Variants in ETFDH observed in about 807,000 individuals in gnomAD.
ETFDH encodes the protein electron transfer flavoprotein dehydrogenase.
In ETFDH, 61 loss-of-function variants were observed where a neutral mutation model predicts 73.2. The ratio of observed to expected loss-of-function variants is 0.83; its 90% CI spans 0.68 to 1.03. The LOEUF (loss-of-function observed/expected upper bound fraction) is 1.03. Among genes scored for constraint, ETFDH ranks in the 50% least tolerant of loss-of-function variants. The pLI is 0.00. For synonymous variants in ETFDH, 243 were observed against 253.3 expected (o/e 0.96, Z 0.39); for missense variants, 685 against 745.0 (o/e 0.92, Z 0.94).
Position 158,708,384 on chromosome 4 carries a change from G to A in ETFDH, c.1711G>A (p.Val571Met). ...CPAGVYEFVP[V>M]EQGDGFRLQI... ...TTCAGGAGTTTATGAATTTGTACCT[G>A]TGGAACAAGGTGATGGATTTCGGTT... Residue 571 changes from valine to methionine, a missense_variant, in exon 13 of 13, where the codon GTG (valine) becomes ATG (methionine). By Grantham distance (21) the Val-to-Met change is conservative (BLOSUM62 1). Transcript: ENST00000511912. 3 of 1,610,888 alleles carry A rather than the reference G, an allele frequency of 1.9e-6. No individual in the cohort carries two copies. The highest frequency in any genetic ancestry group is 1.1e-5 in the South Asian group (1 of 91,012).
chr4:158,672,851 A>G (rs1016797689), intron 1 of ETFDH, among the ~76,000 whole-genome samples: 3 of 151,976 alleles, frequency 2.0e-5, no homozygotes, highest in East Asian at 3.9e-4. Context: ...AAAAAATCGT[A>G]TTTGCCCAGT....
chr4:158,681,357 C>A (rs1266724278), intron 2 of ETFDH, among the ~76,000 whole-genome samples: 1 of 151,936 alleles, frequency 6.6e-6, no homozygotes, highest in Non-Finnish European at 1.5e-5. Flanking sequence ...TACAGCTGTA[C>A]AATGTGTTTG....
At chr4:158,681,070 C>T (rs1244846920) in intron 2 of ETFDH, among the ~76,000 whole-genome samples, 2 of 152,076 alleles carry the variant, frequency 1.3e-5, no homozygotes, top group East Asian at 3.9e-4. Flanking sequence ...AAAAAGTTAA[C>T]TGTAAAACAG....
chr4:158,693,602 C>T (rs968219378), intron 6 of ETFDH, among the ~76,000 whole-genome samples: 10 of 152,096 alleles, frequency 6.6e-5, no homozygotes, highest in Admixed American at 2.6e-4. Context: ...AGTTGGACCC[C>T]GGTTTGCTGG....
intron 1 of ETFDH, among the ~76,000 whole-genome samples, chr4:158,678,777 A>T (rs1773773516): frequency 6.6e-6 from 1 of 151,804 alleles, no homozygotes; most frequent in Non-Finnish European, 1.5e-5. Context: ...CCTCCTGAGT[A>T]GGTGGGACTG....
At chr4:158,690,507 C>G in intron 6 of ETFDH, 82 bp downstream of exon 6, 3 of 892,060 alleles carry the variant, frequency 3.4e-6, no homozygotes, top group East Asian at 2.4e-5. Flanking sequence ...GAAACCCCAT[C>G]TCTCCAAAAA....
intron 3 of ETFDH, 71 bp downstream of exon 3, chr4:158,682,495 C>T: frequency 8.3e-7 from 1 of 1,202,814 alleles, no homozygotes; most frequent in Non-Finnish European, 1.2e-6. Flanking sequence ...TCCCAAATTA[C>T]TGGAATATAG....
chr4:158,706,856 A>G lies in ETFDH; in HGVS notation c.1690+6A>G, dbSNP rs755837471. Reference sequence around the variant, plus strand: ...GCAGCGATTCTGTCCTGCAGGTAATAATTTCCATCTATTCCTAAATATTTG... The same window carrying G: ...GCAGCGATTCTGTCCTGCAGGTAATGATTTCCATCTATTCCTAAATATTTG... On this transcript the variant is annotated splice_donor_region_variant and intron_variant, in intron 12 of 12. Transcript: ENST00000511912. 5.2e-6 allele frequency: 8 copies of G among 1,541,716 alleles called. No homozygotes were observed.
chr4:158,676,142 C>T (rs1185720664), intron 1 of ETFDH, among the ~76,000 whole-genome samples: 2 of 152,074 alleles, frequency 1.3e-5, no homozygotes, highest in Non-Finnish European at 2.9e-5. Context: ...TCAGTCTCCC[C>T]GAAAACTTGG....
In ETFDH at chr4:158,685,131, T is replaced by C. The variant is rs1446691470; in HGVS notation, c.518T>C (p.Ile173Thr). 2 of 1,610,736 alleles carry C rather than the reference T, an allele frequency of 1.2e-6. No homozygotes were observed. Among genetic ancestry groups the C allele is most frequent in the Non-Finnish European group, 1.7e-6 (2 of 1,177,234 alleles). The change falls in exon 5 of 13, where the codon ATT becomes ACT. Residue 173 changes from isoleucine to threonine, a missense_variant. By Grantham distance (89) the Ile-to-Thr change is moderately conservative. Transcript: ENST00000511912. ...GLPMNNHGNY[I>T]VRLGHLVSWM... ...CCAATGAATAATCATGGCAATTACA[T>C]TGTACGCTTGGGACATTTAGTGAGC...
intron 9 of ETFDH, among the ~76,000 whole-genome samples, chr4:158,702,155 GTT>G (rs10586342): frequency 4.8e-5 from 7 of 145,592 alleles, no homozygotes; most frequent in Admixed American, 1.4e-4. Context: ...CAAATCACAG[GTT>G]TTTTTTTTTT....
chr4:158,673,159 C>A (rs1773622502), intron 1 of ETFDH, among the ~76,000 whole-genome samples: 1 of 152,182 alleles, frequency 6.6e-6, no homozygotes, highest in Non-Finnish European at 1.5e-5. Context: ...CAAAAATTAG[C>A]TGGGCGTTGT....
In ETFDH at chr4:158,706,754, G is replaced by A. The variant is rs1774632477; in HGVS notation, c.1594G>A (p.Asp532Asn). Residue 532 changes from aspartate (D) to asparagine (N), a missense_variant, in exon 12 of 13, where the codon GAC becomes AAC. Coordinates refer to ENST00000511912, the MANE Select transcript of ETFDH (RefSeq NM_004453.4). The part of the protein sequence containing the change: ...VALSGTNHEH[D>N]QPAHLTLRDD... Reference sequence around the variant, plus strand: ...TCTGAGTGGTACTAATCATGAACATGACCAGCCGGCACACTTAACCTTAAG... The same window carrying A: ...TCTGAGTGGTACTAATCATGAACATAACCAGCCGGCACACTTAACCTTAAG... 5.0e-6 allele frequency: 8 copies of A among 1,613,868 alleles called. No individual in the cohort carries two copies. The East Asian group carries it at 1.8e-4, about 36-fold the overall frequency.
chr4:158,683,167 G>A (rs1162796240), intron 3 of ETFDH, among the ~76,000 whole-genome samples: 1 of 152,092 alleles, frequency 6.6e-6, no homozygotes, highest in Non-Finnish European at 1.5e-5. Flanking sequence ...AACCTAAGCA[G>A]AAAAACCACA....
At chr4:158,701,309 C>A (rs1427008815) in intron 9 of ETFDH, among the ~76,000 whole-genome samples, 1 of 152,182 alleles carries the variant, frequency 6.6e-6, no homozygotes, top group Non-Finnish European at 1.5e-5. Context: ...TTGAGAAAAG[C>A]ATTGTCATCA....
At chr4:158,689,277 T>C (rs924221393) in intron 5 of ETFDH, among the ~76,000 whole-genome samples, 1 of 152,170 alleles carries the variant, frequency 6.6e-6, no homozygotes, top group African/African-American at 2.4e-5. Context: ...CTAACCCATA[T>C]ACATGCATTT....
intron 12 of ETFDH, among the ~76,000 whole-genome samples, chr4:158,707,510 AAT>A (rs1481647857): frequency 6.6e-6 from 1 of 152,208 alleles, no homozygotes; most frequent in African/African-American, 2.4e-5. Context: ...TCCAGAAACA[AAT>A]AATTCTTGAG....
chr4:158,685,737 A>G (rs1018745854), intron 5 of ETFDH, among the ~76,000 whole-genome samples: 2 of 152,224 alleles, frequency 1.3e-5, no homozygotes, highest in African/African-American at 4.8e-5. Flanking sequence ...TTTATTTAAC[A>G]TGCATAAGCA....
rs1246480843 is a variant in ETFDH at position 158,678,393 on chromosome 4, A to ACT, written c.35-2074_35-2073insCT. Among the ~76,000 whole-genome samples the ACT allele has an allele frequency of 5.3e-5, 8 of 152,320 alleles. No homozygotes were observed. The South Asian group carries it at 8.3e-4, about 16-fold the overall frequency. On this transcript the variant is annotated intron_variant, in intron 1 of 12. Transcript: ENST00000511912. ...CATTTCTCATGATTAGACTGAGGTTAAAGATTTTTGGGGATAAATACCACA... is the reference window on the plus strand; with the variant it reads ...CATTTCTCATGATTAGACTGAGGTTACTAAGATTTTTGGGGATAAATACCACA...
Sources: gnomAD v4.1 joint callset for allele counts (sites outside exome capture counted in the v4.1 genomes callset) on GRCh38, gnomAD v4.1.1 for gene constraint, MANE v1.5 for transcripts, NCBI Gene and HGNC (gene_info 2026-07-23, HGNC 2026-07-21) for gene names.